The following ADGRF5 variants were observed in gnomAD, a reference collection of about 807,000 sequenced individuals.
ADGRF5 encodes G-protein coupled receptor 116.
A neutral mutation model predicts 132.3 loss-of-function variants in ADGRF5; 75 were observed. The ratio of observed to expected loss-of-function variants is 0.57; its 90% confidence interval spans 0.47 to 0.69. The LOEUF (loss-of-function observed/expected upper bound fraction) is 0.69, where lower values mean the gene tolerates loss of function less well. ADGRF5 is among the 30% of genes least tolerant of loss of function. ADGRF5 has a pLI of 0.00. For synonymous variants in ADGRF5, 629 were observed against 597.6 expected (o/e 1.05, Z -0.77); for missense variants, 1,516 against 1,630.6 (o/e 0.93, Z 1.21).
rs1775432993 is a variant in ADGRF5 at position 46,906,880 on chromosome 6, A to C, written c.-24-94T>G. 6 of 686,134 alleles carry C rather than the reference A, an allele frequency of 8.7e-6. No individual in the cohort carries two copies. The Admixed American group carries it at 1.3e-4, about 15-fold the overall frequency. The allele number at this position is 686,134 out of a possible 1,614,324, so 42.5% of individuals were successfully genotyped here. Reference sequence around the variant, plus strand: ...AGCCCTGTCTTAAAGGTCATCCTACACAAGAACTTTTCAAAAGAGACACAA... The same window carrying C: ...AGCCCTGTCTTAAAGGTCATCCTACCCAAGAACTTTTCAAAAGAGACACAA... On this transcript the variant is annotated intron_variant, in intron 1 of 20. Transcript: ENST00000283296.
At chr6:46,917,624 T>G (rs1776542292) in intron 1 of ADGRF5, among the ~76,000 whole-genome samples, 1 of 152,202 alleles carries the variant, frequency 6.6e-6, no homozygotes. Context: ...AAATACTCGA[T>G]AAATATTGTT....
chr6:46,919,439 A>G (rs1776705229), intron 1 of ADGRF5, among the ~76,000 whole-genome samples: 1 of 152,256 alleles, frequency 6.6e-6, no homozygotes, highest in Non-Finnish European at 1.5e-5. Flanking sequence ...AAAAAGTTGC[A>G]TATAAATACA....
chr6:46,899,672 G>T (rs866338131), intron 3 of ADGRF5, among the ~76,000 whole-genome samples: 128 of 149,230 alleles, frequency 8.6e-4, no homozygotes, highest in Middle Eastern at 3.6e-3. Context: ...TTTTTTGTTT[G>T]TTTTGTTTTT....
intron 20 of ADGRF5, among the ~76,000 whole-genome samples, chr6:46,854,279 C>T (rs1168733543): frequency 1.3e-5 from 2 of 152,168 alleles, no homozygotes; most frequent in African/African-American, 4.8e-5. Flanking sequence ...TGCGTGGCAG[C>T]CAACAAGCAG....
chr6:46,883,445 T>A, intron 6 of ADGRF5, 114 bp downstream of exon 6: 1 of 648,644 alleles, frequency 1.5e-6, no homozygotes, highest in East Asian at 2.9e-5. Flanking sequence ...AAAAGAATAA[T>A]AAATCCACAT....
intron 3 of ADGRF5, among the ~76,000 whole-genome samples, chr6:46,892,587 T>C (rs544778768): frequency 6.6e-6 from 1 of 151,968 alleles, no homozygotes; most frequent in African/African-American, 2.4e-5. Context: ...CCATCTCTAC[T>C]AAAAATACAA....
chr6:46,886,353 C>T lies in ADGRF5; in HGVS notation c.328+1982G>A, dbSNP rs539305748. ...GCTACTAACAAAGAAGCTGAGTGCC[C>T]GCTAGAGGTAATTTGAGGATAGCCA... On this transcript the variant is annotated intron_variant, in intron 4 of 20. Coordinates refer to ENST00000283296, the MANE Select transcript of ADGRF5 (RefSeq NM_001098518.2). Among the ~76,000 whole-genome samples, 289 of 152,230 alleles carry T rather than the reference C, an allele frequency of 1.9e-3. 1 individual carries two copies. The highest frequency in any genetic ancestry group is 3.4e-3 in the Middle Eastern group (1 of 294).
chr6:46,870,125 T>G (rs1454488529), intron 11 of ADGRF5, among the ~76,000 whole-genome samples: 3 of 152,132 alleles, frequency 2.0e-5, no homozygotes, highest in Middle Eastern at 6.8e-3. Flanking sequence ...GCTGGCCTAC[T>G]TACCCAGTCA....
upstream of ADGRF5, among the ~76,000 whole-genome samples, chr6:46,923,881 G>A (rs914970913): frequency 1.3e-5 from 2 of 152,218 alleles, no homozygotes; most frequent in African/African-American, 4.8e-5. Context: ...GGAATTGACT[G>A]TCACAGCAGC....
chr6:46,897,562 C>T (rs888212342), intron 3 of ADGRF5, among the ~76,000 whole-genome samples: 1 of 152,164 alleles, frequency 6.6e-6, no homozygotes, highest in Non-Finnish European at 1.5e-5. Context: ...TCATCATTTT[C>T]CTGGAGAGTC....
At position 46,869,109 on chromosome 6, in the gene ADGRF5, C is replaced by G. The variant is rs181426208; in HGVS notation, c.1412-17G>C. 258 of 1,606,794 alleles carry G rather than the reference C, an allele frequency of 1.6e-4. No homozygotes were observed. The East Asian group carries it at 5.5e-3, about 34-fold the overall frequency. ...TTAGATTGGCTGAAAAAAAGGCAAA[C>G]AAAACAGACAAAAGAAAACTGACAA... On this transcript the variant is annotated splice_polypyrimidine_tract_variant and intron_variant, in intron 11 of 20. Coordinates refer to ENST00000283296, the MANE Select transcript of ADGRF5 (RefSeq NM_001098518.2).
At chr6:46,951,993 CT>C (rs1415842547) in intron 1 of ADGRF5, among the ~76,000 whole-genome samples, 1 of 152,254 alleles carries the variant, frequency 6.6e-6, no homozygotes, top group African/African-American at 2.4e-5. Context: ...TGCAGAGGCT[CT>C]GTGGATATGG....
chr6:46,863,248 G>T, intron 14 of ADGRF5, 152 bp from the exon 15 acceptor site: 1 of 724,850 alleles, frequency 1.4e-6, no homozygotes, highest in Non-Finnish European at 2.5e-6. Flanking sequence ...TCTTAATTTT[G>T]CCCTTGATTT....
In ADGRF5 at chr6:46,871,869, T is replaced by C. The variant is rs753233094; in HGVS notation, c.1385A>G (p.Asn462Ser). ...ISAYGARGSANIKVTFISVAN... is the reference protein window; with the variant it reads ...ISAYGARGSASIKVTFISVAN... ...CACAGAGATGAATGTCACTTTTATG[T>C]TTGCACTGCCTCTGGCTCCATAGGC... Residue 462 changes from asparagine (N) to serine (S), a missense_variant, in exon 11 of 21, where the codon AAC becomes AGC. By Grantham distance (46) the Asn-to-Ser change is conservative (BLOSUM62 1). Coordinates refer to ENST00000283296, the MANE Select transcript of ADGRF5 (RefSeq NM_001098518.2). 3 of 1,603,620 alleles carry C rather than the reference T, an allele frequency of 1.9e-6. No homozygotes were observed. The South Asian group carries it at 3.3e-5, about 18-fold the overall frequency.
intron 19 of ADGRF5, 55 bp from the exon 20 acceptor site, chr6:46,856,113 G>A (rs1581711624): frequency 2.0e-6 from 2 of 978,014 alleles, no homozygotes; most frequent in East Asian, 4.8e-5. Context: ...GACCAAAGCT[G>A]TTTCCATCTC....
rs751016575 is a variant in ADGRF5 at position 46,945,757 on chromosome 6, C to T, written c.-25+8977G>A. 3.9e-5 allele frequency among the ~76,000 whole-genome samples: 6 copies of T among 152,170 alleles called. No homozygotes were observed. In the South Asian group the frequency reaches 1.2e-3, roughly 31 times the overall value. On this transcript the variant is annotated intron_variant, in intron 1 of 20. Coordinates refer to the ADGRF5 transcript ENST00000265417. ...GCTGCTAATAAAGACATACCTGAGA[C>T]TGGAGAATTTAAAAAGGAAAGAGGT...
intron 10 of ADGRF5, among the ~76,000 whole-genome samples, chr6:46,877,690 C>T (rs1255789496): frequency 1.3e-5 from 2 of 151,850 alleles, no homozygotes; most frequent in African/African-American, 2.4e-5. Context: ...GACTGAGAGA[C>T]AAACAGGTCT....
chr6:46,935,309 C>T (rs979791432), intron 1 of ADGRF5, among the ~76,000 whole-genome samples: 1 of 152,088 alleles, frequency 6.6e-6, no homozygotes. Flanking sequence ...AGCCGATAAT[C>T]CTTAAAAATG....
rs1370035149 is a variant in ADGRF5 at position 46,908,076 on chromosome 6, A to G, written c.-24-1290T>C. 2.0e-5 allele frequency: 3 copies of G among 152,204 alleles called. No individual in the cohort carries two copies. The South Asian group carries it at 6.2e-4, about 32-fold the overall frequency. The allele number at this position is 152,204 out of a possible 1,614,324, so 9.4% of individuals were successfully genotyped here. On this transcript the variant is annotated intron_variant, in intron 1 of 20. Transcript: ENST00000283296. Reference sequence around the variant, plus strand: ...AGATTTACATGCCAGGGAAAATTGTATTTCAATTGCCAGCTGACAACTGCC... The same window carrying G: ...AGATTTACATGCCAGGGAAAATTGTGTTTCAATTGCCAGCTGACAACTGCC...
Sources: allele counts gnomAD v4.1 joint callset (sites outside exome capture counted in the v4.1 genomes callset), GRCh38; gene constraint gnomAD v4.1.1; transcripts MANE v1.5; gene names NCBI Gene and HGNC (gene_info 2026-07-23, HGNC 2026-07-21).